Variants in B3GALT1 observed in about 807,000 individuals in gnomAD.
B3GALT1 encodes UDP-Gal:betaGlcNAc beta 1,3-galactosyltransferase, polypeptide 1.
B3GALT1 carries 10 observed loss-of-function variants against 23.2 expected under a neutral mutation model. The observed-to-expected ratio is 0.43, with a 90% confidence interval of 0.27 to 0.73. The LOEUF (loss-of-function observed/expected upper bound fraction) is 0.73, where lower values mean the gene tolerates loss of function less well. B3GALT1 is among the 30% of genes least tolerant of loss of function. B3GALT1 has a pLI of 0.21. For missense variants in B3GALT1, 299 were observed against 405.4 expected (o/e 0.74, Z 2.25); for synonymous variants, 156 against 141.5 (o/e 1.10, Z -0.73).
rs13422889 is a variant in B3GALT1, at chr2:167,600,890, C to A, written c.-409-46019C>A. Among the ~76,000 whole-genome samples the A allele has an allele frequency of 9.1e-4, 138 of 151,560 alleles. 1 individual carries two copies. Among genetic ancestry groups the A allele is most frequent in the African/African-American group, 3.1e-3 (126 of 41,278 alleles). ...ACTCATTTACAAATTTTTGTATAAA[C>A]GCATGTTTTTATTTTTAATTGTTTT... On this transcript the variant is annotated intron_variant, in intron 2 of 4. Transcript: ENST00000392690.
intron 4 of B3GALT1, among the ~76,000 whole-genome samples, chr2:167,836,562 G>C (rs1236049670): frequency 2.0e-5 from 3 of 152,214 alleles, no homozygotes; most frequent in Non-Finnish European, 4.4e-5. Flanking sequence ...TGGTGTACCT[G>C]AAAGTGATGG....
chr2:167,708,590 A>G (rs759694649), intron 3 of B3GALT1, among the ~76,000 whole-genome samples: 1 of 152,126 alleles, frequency 6.6e-6, no homozygotes, highest in Non-Finnish European at 1.5e-5. Context: ...GAAACTGGGA[A>G]GCAGAGGTTG....
At chr2:167,454,474 T>C (rs1385724685) in intron 1 of B3GALT1, among the ~76,000 whole-genome samples, 2 of 152,194 alleles carry the variant, frequency 1.3e-5, no homozygotes, top group South Asian at 2.1e-4. Context: ...AAGAGGAGTC[T>C]AGGGAGCTGT....
rs1685569150 is a variant in B3GALT1, at chr2:167,637,102, C to T, written c.-409-9807C>T. Among the ~76,000 whole-genome samples, 5 of 151,998 alleles carry T rather than the reference C, an allele frequency of 3.3e-5. No homozygotes were observed. The South Asian group carries it at 1.0e-3, about 31-fold the overall frequency. On this transcript the variant is annotated intron_variant, in intron 2 of 4. Coordinates refer to ENST00000392690, the MANE Select transcript of B3GALT1 (RefSeq NM_020981.4). Reference sequence around the variant, plus strand: ...CCAGTTTGTTAGATATTTTGGCTCTCACCCATGTCTGCAGGAATATGTATG... The same window carrying T: ...CCAGTTTGTTAGATATTTTGGCTCTTACCCATGTCTGCAGGAATATGTATG...
chr2:167,383,555 C>T (rs1404955278), intron 1 of B3GALT1, among the ~76,000 whole-genome samples: 1 of 152,164 alleles, frequency 6.6e-6, no homozygotes, highest in Admixed American at 6.5e-5. Flanking sequence ...TAAAAAATAA[C>T]ACATGATAGG....
chr2:167,639,541 A>G (rs1685616941), intron 2 of B3GALT1, among the ~76,000 whole-genome samples: 1 of 152,038 alleles, frequency 6.6e-6, no homozygotes, highest in Admixed American at 6.6e-5. Context: ...TTTTTAGTAA[A>G]TTGAAATTCT....
chr2:167,349,847 C>T (rs1697282865), intron 1 of B3GALT1, among the ~76,000 whole-genome samples: 1 of 151,992 alleles, frequency 6.6e-6, no homozygotes, highest in Non-Finnish European at 1.5e-5. Flanking sequence ...TGTATCTTCT[C>T]CCTATAGGAA....
rs188315026 is a variant in B3GALT1, at chr2:167,683,304, A to G, written c.-352+36338A>G. On this transcript the variant is annotated intron_variant, in intron 3 of 4. Coordinates refer to ENST00000392690, the MANE Select transcript of B3GALT1 (RefSeq NM_020981.4). The stretch of plus-strand genomic sequence containing the variant: ...TTCCAAGGAAGGTGCAGGGTGATCA[A>G]AATAACTATGAATGTAGTCTTCTTC... 2.1e-4 allele frequency among the ~76,000 whole-genome samples: 32 copies of G among 152,340 alleles called. No homozygotes were observed. In the East Asian group the frequency reaches 5.6e-3, roughly 27 times the overall value.
At chr2:167,550,609 C>T (rs1683727976) in intron 2 of B3GALT1, among the ~76,000 whole-genome samples, 1 of 152,134 alleles carries the variant, frequency 6.6e-6, no homozygotes, top group African/African-American at 2.4e-5. Context: ...TTTCCTGTAC[C>T]ATATAAAAAT....
chr2:167,354,010 C>A (rs979308118), intron 1 of B3GALT1, among the ~76,000 whole-genome samples: 1 of 151,960 alleles, frequency 6.6e-6, no homozygotes, highest in Non-Finnish European at 1.5e-5. Context: ...TTTTCTAGTC[C>A]TTTTCTTGTT....
intron 2 of B3GALT1, among the ~76,000 whole-genome samples, chr2:167,520,183 G>T (rs1256208282): frequency 6.6e-6 from 1 of 152,050 alleles, no homozygotes; most frequent in Non-Finnish European, 1.5e-5. Flanking sequence ...ACCCCATCAA[G>T]ACATTATTTA....
At chr2:167,339,410 T>C (rs543818724) in intron 1 of B3GALT1, among the ~76,000 whole-genome samples, 17 of 145,440 alleles carry the variant, frequency 1.2e-4, no homozygotes, top group Non-Finnish European at 2.4e-4. Flanking sequence ...TGGGGGTGAG[T>C]GTGGATGTGG....
chr2:167,642,765 G>C (rs1339067703), intron 2 of B3GALT1, among the ~76,000 whole-genome samples: 1 of 151,934 alleles, frequency 6.6e-6, no homozygotes, highest in African/African-American at 2.4e-5. Flanking sequence ...GTTGATATCT[G>C]TCTCCCTCTT....
In B3GALT1 at chr2:167,477,134, T is replaced by C. The variant is rs900364056; in HGVS notation, c.-510-13043T>C. Among the ~76,000 whole-genome samples the C allele has an allele frequency of 4.6e-5, 7 of 152,236 alleles. 1 individual carries two copies. Among genetic ancestry groups the C allele is most frequent in the South Asian group, 4.1e-4 (2 of 4,834 alleles). On this transcript the variant is annotated intron_variant, in intron 1 of 4. Coordinates refer to ENST00000392690, the MANE Select transcript of B3GALT1 (RefSeq NM_020981.4). ...TCATGTTTCAAATTCCTCCCACTTA[T>C]AAGCATATGTGCTTTTGAATGTTGG...
intron 3 of B3GALT1, among the ~76,000 whole-genome samples, chr2:167,792,477 C>A (rs1006409448): frequency 1.3e-5 from 2 of 152,182 alleles, no homozygotes; most frequent in African/African-American, 4.8e-5. Flanking sequence ...GGGAGTAATC[C>A]ATTGACCAGA....
chr2:167,493,168 G>C (rs1408862998), intron 2 of B3GALT1, among the ~76,000 whole-genome samples: 1 of 152,146 alleles, frequency 6.6e-6, no homozygotes, highest in Non-Finnish European at 1.5e-5. Flanking sequence ...TGCAGATATA[G>C]TCAAGAAAAG....
At chr2:167,805,194 T>C (rs1305205622) in intron 3 of B3GALT1, among the ~76,000 whole-genome samples, 1 of 152,222 alleles carries the variant, frequency 6.6e-6, no homozygotes, top group African/African-American at 2.4e-5. Flanking sequence ...TCCTTGTAGA[T>C]TTGTTTGAGT....
intron 4 of B3GALT1, among the ~76,000 whole-genome samples, chr2:167,844,323 G>A (rs1460173904): frequency 6.6e-6 from 1 of 152,156 alleles, no homozygotes; most frequent in Non-Finnish European, 1.5e-5. Flanking sequence ...GCTCCAGATC[G>A]ACTGCAAGAA....
At chr2:167,749,296 A>G (rs1434479782) in intron 3 of B3GALT1, among the ~76,000 whole-genome samples, 2 of 152,172 alleles carry the variant, frequency 1.3e-5, no homozygotes, top group Non-Finnish European at 2.9e-5. Flanking sequence ...GCAGTGTCAT[A>G]TCCGTTCTCT....
Sources: gnomAD v4.1 joint callset for allele counts (sites outside exome capture counted in the v4.1 genomes callset) on GRCh38, gnomAD v4.1.1 for gene constraint, MANE v1.5 for transcripts, NCBI Gene and HGNC (gene_info 2026-07-23, HGNC 2026-07-21) for gene names.